The following NAALADL2 variants were observed in gnomAD, a reference collection of about 807,000 sequenced individuals.
The protein encoded by NAALADL2 is N-acetylated alpha-linked acidic dipeptidase like 2.
In NAALADL2, 76 loss-of-function variants were observed where a neutral mutation model predicts 87.2. The observed-to-expected ratio is 0.87, with a 90% CI of 0.72 to 1.05. The LOEUF is 1.05. Among genes scored for constraint, NAALADL2 ranks in the 50% least tolerant of loss-of-function variants. NAALADL2 has a pLI of 0.00. For missense variants in NAALADL2, 1,089 were observed against 945.8 expected (o/e 1.15, Z -1.99); for synonymous variants, 354 against 331.0 (o/e 1.07, Z -0.75).
chr3:174,674,921 T>C (rs1469337628), intron 2 of NAALADL2, among the ~76,000 whole-genome samples: 1 of 152,132 alleles, frequency 6.6e-6, no homozygotes, highest in Non-Finnish European at 1.5e-5. Flanking sequence ...TCTCAAATTC[T>C]GTTTTCTGTC....
At chr3:174,955,306 C>A (rs1485889145) in intron 1 of NAALADL2, among the ~76,000 whole-genome samples, 2 of 152,112 alleles carry the variant, frequency 1.3e-5, no homozygotes, top group African/African-American at 2.4e-5. Context: ...ATTTCTTTCA[C>A]ATTCAGTGCA....
intron 3 of NAALADL2, among the ~76,000 whole-genome samples, chr3:175,247,153 G>C (rs1489875992): frequency 2.6e-5 from 4 of 152,062 alleles, no homozygotes; most frequent in African/African-American, 9.7e-5. Flanking sequence ...ACTTCACACT[G>C]TTTTAAGTGC....
intron 10 of NAALADL2, among the ~76,000 whole-genome samples, chr3:175,600,417 A>G (rs1276762123): frequency 6.7e-6 from 1 of 150,332 alleles, no homozygotes; most frequent in African/African-American, 2.5e-5. Context: ...TGGAAAACCT[A>G]CATATGTTAG....
At chr3:175,336,997 A>G (rs1401086406) in intron 5 of NAALADL2, among the ~76,000 whole-genome samples, 1 of 152,172 alleles carries the variant, frequency 6.6e-6, no homozygotes, top group Admixed American at 6.5e-5. Context: ...GCTTTAGGCA[A>G]TTATTTCTAG....
intron 2 of NAALADL2, among the ~76,000 whole-genome samples, chr3:174,704,472 T>C (rs1428637496): frequency 2.0e-5 from 3 of 152,116 alleles, no homozygotes; most frequent in Non-Finnish European, 4.4e-5. Context: ...ATACTGAATT[T>C]AATTTAATTT....
intron 13 of NAALADL2, among the ~76,000 whole-genome samples, chr3:175,786,605 A>T (rs1212953910): frequency 2.0e-5 from 3 of 151,888 alleles, no homozygotes; most frequent in East Asian, 3.9e-4. Flanking sequence ...ATTCTTCTAA[A>T]TTTTTTTCAA....
At chr3:174,659,355 A>G (rs565968547) in intron 2 of NAALADL2, among the ~76,000 whole-genome samples, 25 of 152,318 alleles carry the variant, frequency 1.6e-4, no homozygotes, top group African/African-American at 5.8e-4. Flanking sequence ...TATATTAGAA[A>G]TGTCTCAATG....
At chr3:174,759,519 A>G (rs1247303080) in intron 3 of NAALADL2, among the ~76,000 whole-genome samples, 1 of 152,210 alleles carries the variant, frequency 6.6e-6, no homozygotes, top group Non-Finnish European at 1.5e-5. Flanking sequence ...GGAGTATACA[A>G]AATGTAGAAG....
At chr3:175,549,608 C>CATAAG (rs1714002462) in intron 9 of NAALADL2, among the ~76,000 whole-genome samples, 1 of 151,920 alleles carries the variant, frequency 6.6e-6, no homozygotes, top group South Asian at 2.1e-4. Flanking sequence ...TACCACTAAT[C>CATAAG]ATAAGACATA....
At chr3:175,481,247 T>C (rs1386950194) in intron 9 of NAALADL2, among the ~76,000 whole-genome samples, 1 of 151,904 alleles carries the variant, frequency 6.6e-6, no homozygotes, top group East Asian at 1.9e-4. Context: ...TGTATTATTA[T>C]ATAGCTATAT....
intron 11 of NAALADL2, among the ~76,000 whole-genome samples, chr3:175,669,816 A>G (rs1354294253): frequency 2.0e-5 from 3 of 152,004 alleles, no homozygotes; most frequent in African/African-American, 4.8e-5. Flanking sequence ...CTATTTCACT[A>G]TTGATAATTT....
chr3:175,506,703 A>AGTAG (rs1164998449), intron 9 of NAALADL2, among the ~76,000 whole-genome samples: 10 of 152,218 alleles, frequency 6.6e-5, no homozygotes, highest in African/African-American at 1.7e-4. Flanking sequence ...CAATATATAA[A>AGTAG]GTAGGGGCTT....
intron 10 of NAALADL2, among the ~76,000 whole-genome samples, chr3:175,591,784 G>GTGTGTATATATATA (rs1443245536): frequency 4.4e-5 from 6 of 137,088 alleles, no homozygotes; most frequent in Admixed American, 7.2e-5. Flanking sequence ...GTGTGTGTGT[G>GTGTGTATATATATA]TATATATATA....
chr3:174,810,907 C>T (rs1181603764), intron 3 of NAALADL2, among the ~76,000 whole-genome samples: 1 of 152,182 alleles, frequency 6.6e-6, no homozygotes, highest in African/African-American at 2.4e-5. Context: ...AGGGCCCTGC[C>T]ACCCTGTGCA....
At chr3:175,133,052 G>A (rs1560071756) in intron 2 of NAALADL2, among the ~76,000 whole-genome samples, 1 of 150,812 alleles carries the variant, frequency 6.6e-6, no homozygotes, top group Non-Finnish European at 1.5e-5. Flanking sequence ...AGACGGGGCG[G>A]CGGGGCAGAG....
chr3:175,097,418 A>G, intron 2 of NAALADL2, 127 bp downstream of exon 2: 2 of 835,712 alleles, frequency 2.4e-6, no homozygotes, highest in Non-Finnish European at 3.8e-6. Context: ...TATCACCACA[A>G]CAAGAATAGA....
intron 11 of NAALADL2, among the ~76,000 whole-genome samples, chr3:175,671,656 G>GT (rs1734024390): frequency 6.6e-6 from 1 of 151,914 alleles, no homozygotes; most frequent in African/African-American, 2.4e-5. Context: ...GCTTGCTAGA[G>GT]TAAGTGGCTA....
chr3:175,036,265 A>T (rs1753390166), intron 1 of NAALADL2, among the ~76,000 whole-genome samples: 1 of 152,164 alleles, frequency 6.6e-6, no homozygotes, highest in Non-Finnish European at 1.5e-5. Context: ...TTTTCTAATT[A>T]TAAAGGTCAT....
At chr3:174,728,574 T>C (rs768294400) in intron 2 of NAALADL2, among the ~76,000 whole-genome samples, 4 of 152,018 alleles carry the variant, frequency 2.6e-5, no homozygotes, top group Non-Finnish European at 4.4e-5. Flanking sequence ...CTCTCACCAG[T>C]GTACTTGAAA....
Sources: allele counts gnomAD v4.1 joint callset (sites outside exome capture counted in the v4.1 genomes callset), GRCh38; gene constraint gnomAD v4.1.1; transcripts MANE v1.5; gene names NCBI Gene and HGNC (gene_info 2026-07-23, HGNC 2026-07-21).